SURF4: variants seen among roughly 807,000 people sequenced by gnomAD.
SURF4 encodes the protein surfeit locus protein 4.
Under a neutral mutation model 30.0 loss-of-function variants are expected in SURF4, and 3 were observed. The ratio of observed to expected loss-of-function variants is 0.10; its 90% CI spans 0.05 to 0.26. The LOEUF is 0.26. Ranked by LOEUF, SURF4 falls within the 10% of genes least tolerant of loss-of-function variation. The probability of loss-of-function intolerance (pLI) is 1.00; values close to 1 mark genes in which losing one functional copy is unlikely to be tolerated. For synonymous variants in SURF4, 143 were observed against 139.9 expected (o/e 1.02, Z -0.16); for missense variants, 217 against 350.8 (o/e 0.62, Z 3.05).
At chr9:133,364,535 A>G (rs1367608404) in intron 5 of SURF4, among the ~76,000 whole-genome samples, 1 of 152,230 alleles carries the variant, frequency 6.6e-6, no homozygotes, top group East Asian at 1.9e-4. Context: ...TACTAAAAAT[A>G]CAAAAAATTA....
At chr9:133,375,301 A>T in intron 1 of SURF4, 1 of 985,596 alleles carries the variant, frequency 1.0e-6, no homozygotes, top group Non-Finnish European at 1.2e-6. Context: ...GGCTGTGTAC[A>T]GGTCCCCACT....
chr9:133,377,417 A>T (rs1207975929), upstream of SURF4, among the ~76,000 whole-genome samples: 3 of 152,180 alleles, frequency 2.0e-5, no homozygotes, highest in Non-Finnish European at 1.5e-5. Context: ...GTAATCCCCA[A>T]CACTTTGGGA....
intron 1 of SURF4, among the ~76,000 whole-genome samples, chr9:133,368,568 AATGGG>A (rs1266070281): frequency 6.6e-6 from 1 of 152,188 alleles, no homozygotes; most frequent in Admixed American, 6.5e-5. Context: ...CACACTAACA[AATGGG>A]ATGGACAGCT....
intron 3 of SURF4, among the ~76,000 whole-genome samples, chr9:133,366,392 G>T (rs910302399): frequency 6.6e-6 from 1 of 152,146 alleles, no homozygotes; most frequent in Non-Finnish European, 1.5e-5. Context: ...CATAGAAATG[G>T]GACAAAAGAT....
chr9:133,375,255 G>T (rs1180244796), intron 1 of SURF4: 2 of 985,376 alleles, frequency 2.0e-6, no homozygotes, highest in East Asian at 2.3e-4. Flanking sequence ...ACTTCTGGAA[G>T]GAGACTATCA....
Position 133,363,558 on chromosome 9 carries a change from AG to A in SURF4, c.744del (p.Leu249CysfsTer110). ...GGGCCCAGGGCCACCACCAGGAGCA[AG>A]CCCCCAATCACCGACATGGTCTGGA... ...DFFQTMSVIG[G>X]LLLVVALGPG... On this transcript the variant is annotated frameshift_variant, in exon 6 of 6. Transcript: ENST00000371989. LOFTEE classifies it high-confidence loss of function. This position sits in a 1 kb window ranked among gnomAD's most constrained non-coding sequence, Gnocchi z 4.3. 6.2e-7 allele frequency: 1 copy of A among 1,614,204 alleles called. No homozygotes were observed.
chr9:133,367,269 C>T lies in SURF4; in HGVS notation c.225G>A (p.Leu75=). The T allele has an allele frequency of 6.2e-7, 1 of 1,614,038 alleles. No individual in the cohort carries two copies. The highest frequency in any genetic ancestry group is 2.2e-5 in the East Asian group (1 of 44,884). Residue 75 remains leucine (L), a synonymous_variant, in exon 2 of 6, where the codon CTG becomes CTA. Transcript: ENST00000371989. Reference sequence around the variant, plus strand: ...CGCAGAGCCACTCACTCAGCTGTCCCAGCAAGTTGAGGAAGACGAAGGACG... The same window carrying T: ...CGCAGAGCCACTCACTCAGCTGTCCTAGCAAGTTGAGGAAGACGAAGGACG... ...LASSFVFLNL[L]GQLTGCVLVL...
chr9:133,374,453 C>T (rs960719031), intron 1 of SURF4, among the ~76,000 whole-genome samples: 3 of 151,638 alleles, frequency 2.0e-5, no homozygotes, highest in South Asian at 2.1e-4. Flanking sequence ...CCCAGCTACT[C>T]GGGAGGCTGA....
chr9:133,373,250 C>A (rs2130204829), intron 1 of SURF4, among the ~76,000 whole-genome samples: 17 of 152,326 alleles, frequency 1.1e-4, no homozygotes, highest in South Asian at 1.0e-3. Flanking sequence ...TCTGTGCCCC[C>A]TCAAGAGCCT....
intron 1 of SURF4, among the ~76,000 whole-genome samples, chr9:133,373,924 AAAAAAAAAAAAG>A (rs1404150211): frequency 6.9e-6 from 1 of 145,892 alleles, no homozygotes; most frequent in African/African-American, 2.6e-5. Context: ...AAAAAAAAAA[AAAAAAAAAAAAG>A]AAGAAGAAAA....
intron 1 of SURF4, among the ~76,000 whole-genome samples, chr9:133,371,846 G>A (rs2130192537): frequency 2.0e-5 from 3 of 152,178 alleles, no homozygotes; most frequent in Admixed American, 1.3e-4. Context: ...AACTAGGGCC[G>A]AGGCCAGCTC....
upstream of SURF4, chr9:133,376,697 G>A: frequency 1.4e-6 from 1 of 699,880 alleles, no homozygotes; most frequent in Non-Finnish European, 2.3e-6. Flanking sequence ...CTCCTAGGTT[G>A]AACCCGGGGG....
At chr9:133,368,742 G>A (rs1408101534) in intron 1 of SURF4, among the ~76,000 whole-genome samples, 3 of 152,304 alleles carry the variant, frequency 2.0e-5, no homozygotes, top group South Asian at 2.1e-4. Context: ...CAAATGTCAC[G>A]CAGGTTCACC....
At chr9:133,376,520 G>T, upstream of SURF4, 1 of 1,601,288 alleles carries the variant, frequency 6.2e-7, no homozygotes, top group South Asian at 1.1e-5. Flanking sequence ...CAGGGGGAGC[G>T]AGGCCCAGGG....
At position 133,362,884 on chromosome 9, in the gene SURF4, T is replaced by C. The variant is rs1007910308; in HGVS notation, c.*609A>G. The C allele has an allele frequency of 1.9e-5, 3 of 158,070 alleles. No homozygotes were observed. Among genetic ancestry groups the C allele is most frequent in the African/African-American group, 7.2e-5 (3 of 41,470 alleles). 9.8% of individuals were successfully genotyped at this position (158,070 alleles called of 1,614,324 possible). Reference sequence around the variant, plus strand: ...CCAAGCTGATTTTCTGACCGATGACTTTTATCATAAACAGCAGCTTCTACC... The same window carrying C: ...CCAAGCTGATTTTCTGACCGATGACCTTTATCATAAACAGCAGCTTCTACC... On this transcript the variant is annotated 3_prime_UTR_variant, in exon 6 of 6. Transcript: ENST00000371989.
chr9:133,376,866 AC>A (rs1484498015), upstream of SURF4, among the ~76,000 whole-genome samples: 2 of 151,994 alleles, frequency 1.3e-5, no homozygotes, highest in South Asian at 4.2e-4. Context: ...CCGAGGCAGG[AC>A]CCCCGGGAAC....
At chr9:133,375,366 G>A (rs1837827574) in intron 1 of SURF4, 1 of 985,764 alleles carries the variant, frequency 1.0e-6, no homozygotes, top group Non-Finnish European at 1.2e-6. Flanking sequence ...CAGGGTCAAA[G>A]GGACCCCAAG....
rs1398667308 is a variant in SURF4, at chr9:133,376,040, G to A, written c.-71C>T. ...CTCTCGCCCGTCGGCGCCCGCACCC[G>A]CTGCGGCCTCCACAGGAAGTGCCCG... On this transcript the variant is annotated 5_prime_UTR_variant, in exon 1 of 6. Transcript: ENST00000371989. 1.0e-4 allele frequency: 117 copies of A among 1,143,914 alleles called. No homozygotes were observed. The highest frequency in any genetic ancestry group is 1.2e-4 in the Non-Finnish European group (116 of 933,912). 70.9% of individuals were successfully genotyped at this position (1,143,914 alleles called of 1,614,324 possible).
At chr9:133,367,232 A>C (rs915981960) in intron 2 of SURF4, 27 bp downstream of exon 2, 9 of 1,610,438 alleles carry the variant, frequency 5.6e-6, no homozygotes, top group African/African-American at 1.3e-5. Context: ...CGCCCAGTGA[A>C]TCCTGACCAC....
Sources: allele counts gnomAD v4.1 joint callset (sites outside exome capture counted in the v4.1 genomes callset), GRCh38; gene constraint gnomAD v4.1.1; non-coding constraint Gnocchi (gnomAD v3.1); transcripts MANE v1.5; gene names NCBI Gene and HGNC (gene_info 2026-07-23, HGNC 2026-07-21).